TRPM3: variants seen among roughly 807,000 people sequenced by gnomAD.
TRPM3 encodes long transient receptor potential channel 3.
TRPM3 carries 77 observed loss-of-function variants against 181.2 expected under a neutral mutation model. That is an observed-to-expected ratio of 0.42 (90% confidence interval 0.35 to 0.51). TRPM3 has a LOEUF of 0.51. Ranked by LOEUF, TRPM3 falls within the 20% of genes least tolerant of loss-of-function variation. The pLI, the probability that TRPM3 is intolerant of heterozygous loss-of-function variation, is 0.01. For missense variants in TRPM3, 1,759 were observed against 2,196.7 expected, an observed-to-expected ratio of 0.80 and a Z score of 3.98; for synonymous variants, 745 against 796.4, an observed-to-expected ratio of 0.94 and a Z score of 1.09.
chr9:70,948,835 G>T (rs555519378), intron 1 of TRPM3, among the ~76,000 whole-genome samples: 1 of 152,054 alleles, frequency 6.6e-6, no homozygotes, highest in Non-Finnish European at 1.5e-5. Context: ...TACTTAAACC[G>T]TTTTTCTATT....
rs138581326 is a variant in TRPM3, at chr9:71,039,735, C to T, written c.177+81443G>A. Among the ~76,000 whole-genome samples the T allele has an allele frequency of 9.2e-5, 14 of 152,274 alleles. No individual in the cohort carries two copies. In the East Asian group the frequency reaches 2.3e-3, roughly 25 times the overall value. ...TGAAGGGCATTTAACTTTTCTCTGT[C>T]TCAGTTGTGTCTTCTGTAAATGGAG... On this transcript the variant is annotated intron_variant, in intron 1 of 25. Transcript: ENST00000677713.
At chr9:71,323,378 C>G (rs2089417128) in intron 1 of TRPM3, among the ~76,000 whole-genome samples, 1 of 152,122 alleles carries the variant, frequency 6.6e-6, no homozygotes, top group Non-Finnish European at 1.5e-5. Context: ...ATCCAACAAT[C>G]TCATATACAT....
intron 1 of TRPM3, among the ~76,000 whole-genome samples, chr9:70,888,128 T>C (rs775841719): frequency 1.6e-4 from 24 of 152,150 alleles, no homozygotes; most frequent in Non-Finnish European, 3.2e-4. Flanking sequence ...GCATGCTCCA[T>C]AGAACCAAGA....
At chr9:70,766,863 A>G (rs1055972686) in intron 7 of TRPM3, among the ~76,000 whole-genome samples, 11 of 152,232 alleles carry the variant, frequency 7.2e-5, no homozygotes, top group Non-Finnish European at 1.3e-4. Context: ...TGGCTGTGTG[A>G]TCTTTTGTAA....
intron 1 of TRPM3, among the ~76,000 whole-genome samples, chr9:71,242,242 G>C (rs960142216): frequency 1.3e-5 from 2 of 152,150 alleles, no homozygotes. Flanking sequence ...TCCAGCTTAG[G>C]TCACTAACTG....
At chr9:71,240,977 C>G (rs908335951) in intron 1 of TRPM3, among the ~76,000 whole-genome samples, 2 of 152,182 alleles carry the variant, frequency 1.3e-5, no homozygotes, top group African/African-American at 4.8e-5. Context: ...ATCACTACAA[C>G]TCTTACGAAC....
At chr9:71,271,390 C>A (rs2083777070) in intron 1 of TRPM3, among the ~76,000 whole-genome samples, 1 of 152,010 alleles carries the variant, frequency 6.6e-6, no homozygotes, top group Non-Finnish European at 1.5e-5. Context: ...TAAATTGGGT[C>A]ATCTGGAATA....
intron 1 of TRPM3, among the ~76,000 whole-genome samples, chr9:71,067,990 T>G (rs2062160513): frequency 1.3e-5 from 2 of 152,218 alleles, no homozygotes; most frequent in Admixed American, 6.5e-5. Flanking sequence ...TTGTTCATGA[T>G]TTCAGGGCTT....
intron 1 of TRPM3, among the ~76,000 whole-genome samples, chr9:71,106,433 G>A (rs2069590630): frequency 6.6e-6 from 1 of 151,902 alleles, no homozygotes; most frequent in African/African-American, 2.4e-5. Context: ...TAAATATCCT[G>A]GCACCTCCTC....
chr9:70,610,389 C>T (rs2061830301), intron 19 of TRPM3, among the ~76,000 whole-genome samples: 1 of 152,218 alleles, frequency 6.6e-6, no homozygotes, highest in South Asian at 2.1e-4. Context: ...CTCACCTCCA[C>T]CATTTCCTTT....
intron 1 of TRPM3, among the ~76,000 whole-genome samples, chr9:71,440,615 A>C (rs2094123298): frequency 6.6e-6 from 1 of 152,232 alleles, no homozygotes; most frequent in Non-Finnish European, 1.5e-5. Context: ...TACTCTGACT[A>C]TAAAGCTAGA....
chr9:70,670,036 T>C (rs1193691197), intron 9 of TRPM3, among the ~76,000 whole-genome samples: 1 of 152,182 alleles, frequency 6.6e-6, no homozygotes, highest in Non-Finnish European at 1.5e-5. Flanking sequence ...TGTGCCAGCC[T>C]GTTTAACTCT....
chr9:71,383,889 T>C (rs2092863857), intron 1 of TRPM3, among the ~76,000 whole-genome samples: 1 of 152,216 alleles, frequency 6.6e-6, no homozygotes, highest in Non-Finnish European at 1.5e-5. Context: ...CCATCCTTAA[T>C]TATGCACACA....
chr9:71,151,952 T>C (rs2075758855), intron 1 of TRPM3, among the ~76,000 whole-genome samples: 1 of 152,156 alleles, frequency 6.6e-6, no homozygotes, highest in Admixed American at 6.6e-5. Flanking sequence ...GAAAAATGTA[T>C]GTTATAAAAA....
chr9:70,958,174 TC>T (rs1368086861), intron 1 of TRPM3, among the ~76,000 whole-genome samples: 2 of 152,128 alleles, frequency 1.3e-5, no homozygotes, highest in African/African-American at 4.8e-5. Flanking sequence ...GTGACCCCTT[TC>T]CATTCTATAC....
intron 1 of TRPM3, among the ~76,000 whole-genome samples, chr9:71,098,161 C>A (rs752121948): frequency 6.6e-6 from 1 of 151,996 alleles, no homozygotes; most frequent in Non-Finnish European, 1.5e-5. Flanking sequence ...TTATTAGGAC[C>A]ATGGGTTACT....
intron 22 of TRPM3, among the ~76,000 whole-genome samples, chr9:70,554,364 C>T (rs2047162245): frequency 1.3e-5 from 2 of 152,180 alleles, no homozygotes; most frequent in East Asian, 3.9e-4. Flanking sequence ...GGGAGGAGCA[C>T]CAAGAGGTCT....
chr9:70,616,856 G>A (rs781227106), intron 17 of TRPM3, among the ~76,000 whole-genome samples: 45 of 152,056 alleles, frequency 3.0e-4, no homozygotes, highest in Non-Finnish European at 5.1e-4. Flanking sequence ...CTGAGAGGGC[G>A]GTCTCATTCT....
intron 1 of TRPM3, among the ~76,000 whole-genome samples, chr9:70,889,814 T>C (rs972431890): frequency 1.3e-5 from 2 of 151,566 alleles, no homozygotes; most frequent in African/African-American, 4.8e-5. Flanking sequence ...ACAGGAACCA[T>C]TAAAATGAAA....
Sources: allele counts gnomAD v4.1 joint callset (sites outside exome capture counted in the v4.1 genomes callset), GRCh38; gene constraint gnomAD v4.1.1; transcripts MANE v1.5; gene names NCBI Gene and HGNC (gene_info 2026-07-23, HGNC 2026-07-21).